The following TNS1 variants were observed in gnomAD, a reference collection of about 807,000 sequenced individuals.
The protein encoded by TNS1 is tensin 1.
In TNS1, 62 loss-of-function variants were observed where a neutral mutation model predicts 168.6. The ratio of observed to expected loss-of-function variants is 0.37; its 90% CI spans 0.30 to 0.45. TNS1 has a LOEUF of 0.45. Ranked by LOEUF, TNS1 falls within the 20% of genes least tolerant of loss-of-function variation. The pLI, the probability that TNS1 is intolerant of heterozygous loss-of-function variation, is 1.00. For missense variants in TNS1, 2,240 were observed against 2,339.4 expected (o/e 0.96, Z 0.88); for synonymous variants, 934 against 933.2 (o/e 1.00, Z -0.02).
chr2:218,001,843 G>C (rs2105980013), intron 1 of TNS1, among the ~76,000 whole-genome samples: 1 of 151,836 alleles, frequency 6.6e-6, no homozygotes, highest in African/African-American at 2.4e-5. Context: ...CCCGAGGACT[G>C]GCCAGAACAA....
chr2:217,971,444 C>T lies in TNS1; in HGVS notation c.186+7321G>A, dbSNP rs147248251. ...AGTGTAGTATCCCACTGTACTATGA[C>T]ATTGCAATTTCTTTATCCATTTACC... On this transcript the variant is annotated intron_variant, in intron 3 of 32. Coordinates refer to ENST00000682258, the MANE Select transcript of TNS1 (RefSeq NM_001387777.1). 8.5e-4 allele frequency among the ~76,000 whole-genome samples: 129 copies of T among 152,330 alleles called. 2 individuals are homozygous for T. Among genetic ancestry groups the T allele is most frequent in the African/African-American group, 2.7e-3 (113 of 41,580 alleles).
chr2:217,933,997 T>C (rs891782451), intron 3 of TNS1, among the ~76,000 whole-genome samples: 3 of 152,204 alleles, frequency 2.0e-5, no homozygotes, highest in South Asian at 2.1e-4. Flanking sequence ...ACAAAGAACA[T>C]GTACTTCATA....
intron 28 of TNS1, among the ~76,000 whole-genome samples, chr2:217,811,242 T>C (rs568757724): frequency 1.3e-5 from 2 of 152,214 alleles, no homozygotes; most frequent in Non-Finnish European, 2.9e-5. Context: ...GGCCCATACT[T>C]TGAAAACAAC....
intron 19 of TNS1, chr2:217,841,351 G>A: frequency 1.2e-6 from 1 of 842,016 alleles, no homozygotes; most frequent in African/African-American, 1.8e-5. Context: ...GAGGATATGG[G>A]GCAAGGCAGG....
At chr2:217,838,560 G>A (rs543805152) in intron 19 of TNS1, among the ~76,000 whole-genome samples, 15 of 152,346 alleles carry the variant, frequency 9.8e-5, no homozygotes, top group African/African-American at 3.4e-4. Flanking sequence ...CTCCCTCTGC[G>A]GAAGGGTAAG....
intron 18 of TNS1, among the ~76,000 whole-genome samples, chr2:217,852,486 G>T (rs940636536): frequency 6.6e-5 from 10 of 152,224 alleles, no homozygotes; most frequent in Non-Finnish European, 1.5e-4. Context: ...GGTGTGTCCA[G>T]TGGCTTCCCC....
chr2:217,954,294 T>A (rs1957308607), intron 3 of TNS1, among the ~76,000 whole-genome samples: 1 of 152,142 alleles, frequency 6.6e-6, no homozygotes, highest in Non-Finnish European at 1.5e-5. Context: ...TGCAAGCGAA[T>A]GAGCTGCGGT....
intron 19 of TNS1, among the ~76,000 whole-genome samples, chr2:217,838,857 G>A (rs536660659): frequency 2.0e-5 from 3 of 152,222 alleles, no homozygotes; most frequent in African/African-American, 4.8e-5. Context: ...CAGTGTCATG[G>A]AGAGAACACC....
At chr2:217,806,153 A>C (rs1574529315) in intron 32 of TNS1, among the ~76,000 whole-genome samples, 1 of 152,132 alleles carries the variant, frequency 6.6e-6, no homozygotes, top group African/African-American at 2.4e-5. Flanking sequence ...CGGCAACTGC[A>C]CCTGACTGGA....
At chr2:217,978,706 G>C (rs565033509) in intron 3 of TNS1, 59 bp downstream of exon 3, 1 of 691,196 alleles carries the variant, frequency 1.4e-6, no homozygotes, top group African/African-American at 1.8e-5. Flanking sequence ...CTCCAATCTG[G>C]GACCCCGAGC....
rs141577468 is a variant in TNS1, at chr2:217,853,060, G to A, written c.1430-3973C>T. The stretch of plus-strand genomic sequence containing the variant: ...TCCTCCCACCAGAGACAAGACAAAA[G>A]TCCCCCAGCCCCCACTCCGGCACAC... On this transcript the variant is annotated intron_variant, in intron 18 of 32. Coordinates refer to ENST00000682258, the MANE Select transcript of TNS1 (RefSeq NM_001387777.1). Among the ~76,000 whole-genome samples the A allele has an allele frequency of 2.5e-3, 373 of 152,004 alleles. 2 individuals are homozygous for A. The highest frequency in any genetic ancestry group is 8.8e-3 in the African/African-American group (363 of 41,464).
At chr2:217,962,156 G>C (rs1269978481) in intron 3 of TNS1, among the ~76,000 whole-genome samples, 2 of 152,172 alleles carry the variant, frequency 1.3e-5, no homozygotes, top group African/African-American at 4.8e-5. Context: ...GAGAAGTCAA[G>C]AACCAGGCTG....
chr2:218,030,484 G>A lies in TNS1; in HGVS notation c.156+3336C>T, dbSNP rs140186462. ...GACAACCCCCTGAGGGCAAGGACCC[G>A]AGCTGTCTGCTTTCTGCCCTATCCC... On this transcript the variant is annotated intron_variant, in intron 1 of 1. Coordinates refer to the TNS1 transcript ENST00000649572. 2.7e-3 allele frequency among the ~76,000 whole-genome samples: 405 copies of A among 152,352 alleles called. 4 individuals are homozygous for A. The highest frequency in any genetic ancestry group is 0.014 in the Middle Eastern group (4 of 294).
intron 1 of TNS1, among the ~76,000 whole-genome samples, chr2:218,017,448 C>A (rs868401121): frequency 9.2e-5 from 14 of 152,234 alleles, no homozygotes; most frequent in Non-Finnish European, 1.3e-4. Context: ...CCTCTGGGAG[C>A]CTCAGTGTCC....
intron 2 of TNS1, among the ~76,000 whole-genome samples, chr2:217,980,296 C>T (rs1385129508): frequency 6.6e-6 from 1 of 152,112 alleles, no homozygotes; most frequent in Non-Finnish European, 1.5e-5. Context: ...AAGCGTTACC[C>T]ATCACTCTGG....
intron 3 of TNS1, chr2:217,937,242 G>C (rs80205815): frequency 0.018 from 6,464 of 353,400 alleles, 398 homozygotes; most frequent in African/African-American, 0.13. Flanking sequence ...CTCATACCCA[G>C]CACCTTAACT....
chr2:217,915,178 G>A lies in TNS1; in HGVS notation c.228+5017C>T, dbSNP rs561482577. ...GGAGTTCAGGCTGACTGAAGTGACT[G>A]CACATCACCCTTGATGGAGCGAGCC... On this transcript the variant is annotated intron_variant, in intron 4 of 32. Transcript: ENST00000682258. Among the ~76,000 whole-genome samples, 7 of 152,328 alleles carry A rather than the reference G, an allele frequency of 4.6e-5. No individual in the cohort carries two copies. The South Asian group carries it at 1.0e-3, about 23-fold the overall frequency.
chr2:217,840,872 G>T (rs551182251), intron 19 of TNS1, among the ~76,000 whole-genome samples: 1 of 152,364 alleles, frequency 6.6e-6, no homozygotes, highest in Admixed American at 6.5e-5. Flanking sequence ...TTCCCAGCAG[G>T]CAAGGCCAAG....
At chr2:217,812,313 T>C in intron 28 of TNS1, 55 bp downstream of exon 28, 4 of 1,501,700 alleles carry the variant, frequency 2.7e-6, no homozygotes, top group Non-Finnish European at 2.8e-6. Flanking sequence ...GATCAAGACA[T>C]GACAAGGGCC....
Sources: allele counts gnomAD v4.1 joint callset (sites outside exome capture counted in the v4.1 genomes callset), GRCh38; gene constraint gnomAD v4.1.1; transcripts MANE v1.5; gene names NCBI Gene and HGNC (gene_info 2026-07-23, HGNC 2026-07-21).